The following TTYH2 variants were observed in gnomAD, a reference collection of about 807,000 sequenced individuals.
TTYH2 encodes the protein tweety family member 2.
TTYH2 carries 49 observed loss-of-function variants against 68.3 expected under a neutral mutation model. The observed-to-expected ratio is 0.72, with a 90% CI of 0.57 to 0.91. The LOEUF is 0.91. TTYH2 is among the 40% of genes least tolerant of loss of function. The pLI is 0.00. For missense variants in TTYH2, 631 were observed against 700.4 expected (o/e 0.90, Z 1.12); for synonymous variants, 272 against 300.8 (o/e 0.90, Z 0.99).
In TTYH2 at chr17:74,222,074, C is replaced by T. The variant is rs1190060829; in HGVS notation, c.130-411C>T. ...CTCTGGTCTTGGACGGTATCCCTCTCCTTGCCTTTTTCCCTTGGCCATGGA... is the reference window on the plus strand; with the variant it reads ...CTCTGGTCTTGGACGGTATCCCTCTTCTTGCCTTTTTCCCTTGGCCATGGA... On this transcript the variant is annotated intron_variant, in intron 1 of 13. Transcript: ENST00000269346. The surrounding 1 kb of genome is among the most constrained non-coding windows in gnomAD (Gnocchi z 5.2). Among the ~76,000 whole-genome samples, 1 of 152,154 alleles carries T rather than the reference C, an allele frequency of 6.6e-6. No individual in the cohort carries two copies. The highest frequency in any genetic ancestry group is 1.5e-5 in the Non-Finnish European group (1 of 68,026).
chr17:74,246,234 C>T (rs566732704), intron 6 of TTYH2, among the ~76,000 whole-genome samples: 54 of 152,250 alleles, frequency 3.5e-4, no homozygotes, highest in South Asian at 2.1e-3. Context: ...CAGGCCTGCC[C>T]CTGAGTCAGA....
Position 74,213,704 on chromosome 17 carries a change from G to T in TTYH2, c.117G>T (p.Glu39Asp). Reference protein sequence around the residue: ...PVNSTFSPGDESYQESLLFLG... With the variant: ...PVNSTFSPGDDSYQESLLFLG... ...ACAGCACCTTCAGCCCCGGCGACGA[G>T]AGTTACCAGGAGGTAAGTTTACGCC... The change falls in exon 1 of 14, where the codon GAG becomes GAT. Residue 39 changes from glutamate (E) to aspartate (D), a missense_variant. Physicochemically the swap from Glu to Asp is conservative, Grantham distance 45. Transcript: ENST00000269346. This position sits in a 1 kb window ranked among gnomAD's most constrained non-coding sequence, Gnocchi z 6.1. 1 of 1,612,280 alleles carries T rather than the reference G, an allele frequency of 6.2e-7. No homozygotes were observed. Among genetic ancestry groups the T allele is most frequent in the South Asian group, 1.1e-5 (1 of 90,942 alleles).
intron 3 of TTYH2, among the ~76,000 whole-genome samples, chr17:74,234,284 C>G (rs1382161362): frequency 6.6e-6 from 1 of 152,224 alleles, no homozygotes; most frequent in African/African-American, 2.4e-5. Context: ...GTGGTCTCCG[C>G]CACCTGTAGC....
At chr17:74,253,292 T>G (rs754512040) in intron 12 of TTYH2, 26 bp downstream of exon 12, 6 of 1,549,902 alleles carry the variant, frequency 3.9e-6, no homozygotes, top group Non-Finnish European at 5.2e-6. Context: ...ACACCCAGGC[T>G]GGGTAGCACT....
chr17:74,252,077 G>A (rs1419643075), intron 10 of TTYH2, 157 bp from the exon 11 acceptor site: 3 of 855,162 alleles, frequency 3.5e-6, no homozygotes, highest in African/African-American at 1.7e-5. Flanking sequence ...AGGCTCCAGA[G>A]TGTGGACCTT....
intron 13 of TTYH2, among the ~76,000 whole-genome samples, chr17:74,257,932 T>C (rs1035777807): frequency 3.3e-5 from 5 of 152,054 alleles, no homozygotes; most frequent in Non-Finnish European, 7.3e-5. Flanking sequence ...GGCAGGTGGA[T>C]CACTTGAGGC....
intron 1 of TTYH2, among the ~76,000 whole-genome samples, chr17:74,219,962 A>AT (rs535589474): frequency 0.073 from 9,838 of 135,594 alleles, 497 homozygotes; most frequent in African/African-American, 0.16. Flanking sequence ...ATGATTTGCA[A>AT]TTTTTTTTTT....
intron 3 of TTYH2, among the ~76,000 whole-genome samples, chr17:74,233,872 C>G (rs1005680123): frequency 6.6e-6 from 1 of 152,166 alleles, no homozygotes; most frequent in African/African-American, 2.4e-5. Flanking sequence ...TGTGAGTCTG[C>G]AGCAGGCTGA....
chr17:74,221,894 G>A (rs2050279120), intron 1 of TTYH2, among the ~76,000 whole-genome samples: 1 of 152,140 alleles, frequency 6.6e-6, no homozygotes, highest in African/African-American at 2.4e-5. Context: ...TTCTCAGGAT[G>A]GACCCCAACA....
chr17:74,249,472 C>G, intron 8 of TTYH2, 73 bp downstream of exon 8: 2 of 1,540,584 alleles, frequency 1.3e-6, no homozygotes, highest in East Asian at 2.2e-5. Context: ...CACCACTGAC[C>G]AAGATGGCGG....
rs184586843 is a variant in TTYH2 at position 74,248,329 on chromosome 17, G to A, written c.805-682G>A. The stretch of plus-strand genomic sequence containing the variant: ...CTTGCTGCCGCCTCTCCTGGGGCCT[G>A]CGTCTGCTCCCACCCTGCCGCATGG... On this transcript the variant is annotated intron_variant, in intron 6 of 13. Coordinates refer to ENST00000269346, the MANE Select transcript of TTYH2 (RefSeq NM_032646.6). 6.0e-5 allele frequency: 59 copies of A among 986,014 alleles called. No homozygotes were observed. The East Asian group carries it at 3.8e-3, about 63-fold the overall frequency. The allele number at this position is 986,014 out of a possible 1,614,324, so 61.1% of individuals were successfully genotyped here. A position where few individuals can be genotyped will look rare whatever the true frequency, so the allele number is the denominator to read the frequency against.
rs553294464 is a variant in TTYH2, at chr17:74,217,722, C to T, written c.129+4006C>T. 4.7e-4 allele frequency among the ~76,000 whole-genome samples: 71 copies of T among 152,332 alleles called. No individual in the cohort carries two copies. The Middle Eastern group carries it at 0.017, about 36-fold the overall frequency. Reference sequence around the variant, plus strand: ...CACCTCTCTCTATGTCTTCTGGGGCCAGGGCTGTTGCCCCCTCCCCTGCCC... The same window carrying T: ...CACCTCTCTCTATGTCTTCTGGGGCTAGGGCTGTTGCCCCCTCCCCTGCCC... On this transcript the variant is annotated intron_variant, in intron 1 of 13. Transcript: ENST00000269346. The surrounding 1 kb of genome is among the most constrained non-coding windows in gnomAD (Gnocchi z 4.0).
intron 2 of TTYH2, among the ~76,000 whole-genome samples, chr17:74,225,366 A>T (rs1454364200): frequency 1.3e-5 from 2 of 151,988 alleles, no homozygotes; most frequent in African/African-American, 4.8e-5. Flanking sequence ...GGCAGATGGG[A>T]TTCAAACCAT....
intron 13 of TTYH2, among the ~76,000 whole-genome samples, chr17:74,258,784 T>G (rs1231419343): frequency 6.6e-6 from 1 of 152,078 alleles, no homozygotes; most frequent in African/African-American, 2.4e-5. Context: ...TGCCCAGTTG[T>G]GACAACCAGA....
chr17:74,216,807 T>C (rs926185672), intron 1 of TTYH2, among the ~76,000 whole-genome samples: 8 of 152,252 alleles, frequency 5.3e-5, no homozygotes, highest in African/African-American at 1.4e-4. Context: ...AGCCTAGACC[T>C]GCAGCCCAAG....
Position 74,222,632 on chromosome 17 carries a change from G to T in TTYH2, c.277G>T (p.Ala93Ser), listed in dbSNP as rs768939854. 6 of 1,610,304 alleles carry T rather than the reference G, an allele frequency of 3.7e-6. No homozygotes were observed. The South Asian group carries it at 6.6e-5, about 18-fold the overall frequency. The change falls in exon 2 of 14, where the codon GCC becomes TCC. Residue 93 changes from alanine to serine, a missense_variant. Ala to Ser is a moderately conservative substitution (Grantham distance 99). Transcript: ENST00000269346. The surrounding 1 kb of genome is among the most constrained non-coding windows in gnomAD (Gnocchi z 5.2). Reference sequence around the variant, plus strand: ...CCACTCCTGCTGCATCACCTGGACGGCCGTGGTGGCCGGGCTCATCTGCTG... The same window carrying T: ...CCACTCCTGCTGCATCACCTGGACGTCCGTGGTGGCCGGGCTCATCTGCTG... The part of the protein sequence containing the change: ...QHHSCCITWT[A>S]VVAGLICCAA...
At chr17:74,243,352 C>T in intron 4 of TTYH2, 22 bp from the exon 5 acceptor site, 1 of 1,606,946 alleles carries the variant, frequency 6.2e-7, no homozygotes, top group South Asian at 1.1e-5. Flanking sequence ...CTGCTCCTGA[C>T]CATCCCTGCC....
chr17:74,224,764 C>T (rs1301963962), intron 2 of TTYH2, among the ~76,000 whole-genome samples: 7 of 152,176 alleles, frequency 4.6e-5, no homozygotes, highest in African/African-American at 1.4e-4. Flanking sequence ...CTTTGGGAGG[C>T]CAAGGTGGGT....
chr17:74,218,758 C>T (rs1017282060), intron 1 of TTYH2, among the ~76,000 whole-genome samples: 14 of 152,090 alleles, frequency 9.2e-5, no homozygotes, highest in African/African-American at 2.4e-4. Flanking sequence ...CCTTCTCGGA[C>T]GAGCCTTCCT....
Sources: gnomAD v4.1 joint callset for allele counts (sites outside exome capture counted in the v4.1 genomes callset) on GRCh38, gnomAD v4.1.1 for gene constraint, Gnocchi (gnomAD v3.1) non-coding constraint, MANE v1.5 for transcripts, NCBI Gene and HGNC (gene_info 2026-07-23, HGNC 2026-07-21) for gene names.